The following RIN2 variants were observed in gnomAD, a reference collection of about 807,000 sequenced individuals.
The protein encoded by RIN2 is Ras and Rab interactor 2, also known as RAB5 interacting protein 2.
Under a neutral mutation model 78.0 loss-of-function variants are expected in RIN2, and 36 were observed. The observed-to-expected ratio is 0.46, with a 90% CI of 0.35 to 0.61. The LOEUF (loss-of-function observed/expected upper bound fraction) is 0.61. RIN2 is among the 20% of genes least tolerant of loss of function. RIN2 has a pLI of 0.00. For missense variants in RIN2, 1,087 were observed against 1,159.7 expected (o/e 0.94, Z 0.91); for synonymous variants, 466 against 466.8 (o/e 1.00, Z 0.02).
At chr20:19,846,994 T>C (rs1421811942) in intron 2 of RIN2, among the ~76,000 whole-genome samples, 1 of 152,254 alleles carries the variant, frequency 6.6e-6, no homozygotes, top group Non-Finnish European at 1.5e-5. Flanking sequence ...AATCCAGATT[T>C]GTAAGTAGTA....
Position 19,933,850 on chromosome 20 carries a change from C to T in RIN2, c.58-1249C>T, listed in dbSNP as rs141978216. ...TTGAGATGGAGCCTCACTCTGTCGC[C>T]CAGGCTGGAGTGCAGTGGCATGATC... On this transcript the variant is annotated intron_variant, in intron 3 of 12. Coordinates refer to ENST00000255006, the MANE Select transcript of RIN2 (RefSeq NM_018993.4). Among the ~76,000 whole-genome samples the T allele has an allele frequency of 3.4e-3, 519 of 152,168 alleles. 2 individuals carry two copies. Among genetic ancestry groups the T allele is most frequent in the African/African-American group, 0.012 (493 of 41,504 alleles).
chr20:19,971,806 A>G (rs767220807), intron 8 of RIN2, among the ~76,000 whole-genome samples: 1 of 128,566 alleles, frequency 7.8e-6, no homozygotes, highest in Non-Finnish European at 1.5e-5. Flanking sequence ...CAGTGTTGAG[A>G]TCTCAGCTCT....
chr20:19,931,480 T>C (rs980180305), intron 3 of RIN2, among the ~76,000 whole-genome samples: 4 of 152,172 alleles, frequency 2.6e-5, no homozygotes, highest in Admixed American at 1.3e-4. Context: ...CGAAATAGTA[T>C]TCTTTCAACA....
intron 5 of RIN2, among the ~76,000 whole-genome samples, chr20:19,958,799 G>A (rs1052591450): frequency 2.6e-5 from 4 of 152,206 alleles, no homozygotes; most frequent in African/African-American, 4.8e-5. Flanking sequence ...AACCCAGGAG[G>A]TGGAGGTTGC....
At chr20:19,803,474 A>C (rs2035310611) in intron 2 of RIN2, among the ~76,000 whole-genome samples, 1 of 152,220 alleles carries the variant, frequency 6.6e-6, no homozygotes, top group Non-Finnish European at 1.5e-5. Flanking sequence ...CAAACCTGAC[A>C]AAAACAAGCA....
rs540395687 is a variant in RIN2, at chr20:19,892,483, G to C, written c.57+2825G>C. Among the ~76,000 whole-genome samples the C allele has an allele frequency of 8.5e-5, 13 of 152,298 alleles. No homozygotes were observed. The East Asian group carries it at 2.5e-3, about 29-fold the overall frequency. ...CCCGCCTCAGCCCCCAAAATGCTGG[G>C]ATTACAGGCATGAGCCACCACGCCC... is the stretch of plus-strand genomic sequence containing the variant. On this transcript the variant is annotated intron_variant, in intron 3 of 12. Transcript: ENST00000255006.
At chr20:19,875,456 C>T (rs531107931) in intron 2 of RIN2, among the ~76,000 whole-genome samples, 71 of 152,230 alleles carry the variant, frequency 4.7e-4, no homozygotes, top group African/African-American at 1.6e-3. Context: ...TGAGCCACTG[C>T]GCCCAGCCTA....
At chr20:19,944,546 C>T (rs2041008726) in intron 4 of RIN2, among the ~76,000 whole-genome samples, 1 of 152,230 alleles carries the variant, frequency 6.6e-6, no homozygotes. Flanking sequence ...AATGCCACAT[C>T]CCAGGGTGTA....
At chr20:19,894,961 C>T (rs1416999364) in intron 3 of RIN2, among the ~76,000 whole-genome samples, 1 of 152,126 alleles carries the variant, frequency 6.6e-6, no homozygotes, top group Non-Finnish European at 1.5e-5. Flanking sequence ...CGGAACTCTT[C>T]CTCCACCGGT....
intron 2 of RIN2, among the ~76,000 whole-genome samples, chr20:19,801,629 C>A (rs146311556): frequency 6.6e-6 from 1 of 152,138 alleles, no homozygotes; most frequent in African/African-American, 2.4e-5. Flanking sequence ...CATCATTATG[C>A]GATTCTGTGA....
intron 1 of RIN2, among the ~76,000 whole-genome samples, chr20:19,764,734 T>C (rs1257047141): frequency 2.0e-5 from 3 of 152,100 alleles, no homozygotes; most frequent in Non-Finnish European, 4.4e-5. Flanking sequence ...TTTTTCAGAT[T>C]ACTATTTAAA....
rs905270145 is a variant in RIN2, at chr20:19,981,493, C to T, written c.1762+5706C>T. ...AGAATTAAGCTCCACCTCCCAGAAG[C>T]GGGAGGATCTACATAAATTATTTGG... is the stretch of plus-strand genomic sequence containing the variant. On this transcript the variant is annotated intron_variant, in intron 9 of 12. Coordinates refer to ENST00000255006, the MANE Select transcript of RIN2 (RefSeq NM_018993.4). Among the ~76,000 whole-genome samples, 5 of 152,180 alleles carry T rather than the reference C, an allele frequency of 3.3e-5. No individual in the cohort carries two copies. The South Asian group carries it at 8.3e-4, about 25-fold the overall frequency.
At chr20:19,927,646 T>G (rs2040277144) in intron 3 of RIN2, among the ~76,000 whole-genome samples, 1 of 151,920 alleles carries the variant, frequency 6.6e-6, no homozygotes, top group East Asian at 1.9e-4. Flanking sequence ...AACTCCTGAG[T>G]TCAGGCAATC....
At chr20:19,801,414 G>A (rs978874775) in intron 2 of RIN2, among the ~76,000 whole-genome samples, 1 of 151,970 alleles carries the variant, frequency 6.6e-6, no homozygotes, top group African/African-American at 2.4e-5. Flanking sequence ...TCTGCCTTTC[G>A]GGTTCACGCC....
intron 2 of RIN2, among the ~76,000 whole-genome samples, chr20:19,802,471 T>TAAAAA (rs11300762): frequency 1.4e-5 from 2 of 140,036 alleles, no homozygotes; most frequent in African/African-American, 2.6e-5. Flanking sequence ...AAAGTTTCTT[T>TAAAAA]AAAAAAAAAA....
At chr20:19,976,434 C>CAA (rs1394293210) in intron 9 of RIN2, among the ~76,000 whole-genome samples, 3 of 152,164 alleles carry the variant, frequency 2.0e-5, no homozygotes, top group Non-Finnish European at 4.4e-5. Context: ...CTGAAAAAGA[C>CAA]AAGTTTGTTT....
At chr20:19,805,846 C>A (rs760222199) in intron 2 of RIN2, among the ~76,000 whole-genome samples, 19 of 152,070 alleles carry the variant, frequency 1.2e-4, no homozygotes, top group Non-Finnish European at 1.9e-4. Flanking sequence ...TTAGGAATTT[C>A]TCCTAATGCT....
At position 19,851,051 on chromosome 20, in the gene RIN2, AGAAAGAAAGG is replaced by A. The variant is rs1600617234; in HGVS notation, c.-36-38514_-36-38505del. On this transcript the variant is annotated intron_variant, in intron 2 of 12. Coordinates refer to ENST00000255006, the MANE Select transcript of RIN2 (RefSeq NM_018993.4). ...GAAGGAAGGAAGGAAGGAAGGAAGGAGAAAGAAAGGAAGGAAGGAAGGAAGGAAGGAAGGT... is the reference window on the plus strand; with the variant it reads ...GAAGGAAGGAAGGAAGGAAGGAAGGAAAGGAAGGAAGGAAGGAAGGAAGGT... Among the ~76,000 whole-genome samples, 16 of 49,590 alleles carry A rather than the reference AGAAAGAAAGG, an allele frequency of 3.2e-4. No homozygotes were observed. In the East Asian group the frequency reaches 6.9e-3, roughly 21 times the overall value. The allele number at this position is 49,590 out of a possible 152,430, so 32.5% of individuals were successfully genotyped here.
chr20:19,985,150 C>A (rs547406969), intron 9 of RIN2, among the ~76,000 whole-genome samples: 134 of 152,298 alleles, frequency 8.8e-4, no homozygotes, highest in Non-Finnish European at 1.6e-3. Context: ...AGTGTACAAA[C>A]AAAGCCACTG....
Sources: allele counts gnomAD v4.1 joint callset (sites outside exome capture counted in the v4.1 genomes callset), GRCh38; gene constraint gnomAD v4.1.1; transcripts MANE v1.5; gene names NCBI Gene and HGNC (gene_info 2026-07-23, HGNC 2026-07-21).